Variants in ZBTB7C observed in about 807,000 individuals in gnomAD.
ZBTB7C encodes zinc finger and BTB domain-containing protein 7C.
A neutral mutation model predicts 25.7 loss-of-function variants in ZBTB7C; 8 were observed. That is an observed-to-expected ratio of 0.31 (90% CI 0.18 to 0.56). ZBTB7C has a LOEUF of 0.56. ZBTB7C is among the 20% of genes least tolerant of loss of function. The pLI is 0.91. For missense variants in ZBTB7C, 824 were observed against 855.2 expected (o/e 0.96, Z 0.46); for synonymous variants, 394 against 369.0 (o/e 1.07, Z -0.78).
chr18:48,312,639 T>G (rs1045614522), intron 2 of ZBTB7C, among the ~76,000 whole-genome samples: 8 of 152,156 alleles, frequency 5.3e-5, no homozygotes, highest in African/African-American at 1.9e-4. Context: ...TAATAGTACC[T>G]ACCTCACAGC....
At chr18:48,322,850 C>T (rs1201125455) in intron 2 of ZBTB7C, among the ~76,000 whole-genome samples, 4 of 152,034 alleles carry the variant, frequency 2.6e-5, no homozygotes, top group Non-Finnish European at 4.4e-5. Context: ...ATATATATGA[C>T]GGAATACTAC....
At chr18:48,076,392 A>G (rs899377390) in intron 3 of ZBTB7C, among the ~76,000 whole-genome samples, 4 of 152,212 alleles carry the variant, frequency 2.6e-5, no homozygotes, top group Non-Finnish European at 5.9e-5. Flanking sequence ...AGAAAAATGG[A>G]AAGTGCTGGG....
At chr18:48,221,171 A>G (rs143952921) in intron 2 of ZBTB7C, among the ~76,000 whole-genome samples, 311 of 148,936 alleles carry the variant, frequency 2.1e-3, no homozygotes, top group African/African-American at 7.4e-3. Flanking sequence ...CTCCCTCTAT[A>G]CTATCCTTGT....
At chr18:48,337,293 C>T (rs1474371181) in intron 2 of ZBTB7C, among the ~76,000 whole-genome samples, 1 of 152,206 alleles carries the variant, frequency 6.6e-6, no homozygotes, top group African/African-American at 2.4e-5. Flanking sequence ...GCTATTTTTG[C>T]CTCCACCCCA....
intron 2 of ZBTB7C, among the ~76,000 whole-genome samples, chr18:48,316,857 G>A (rs1381847381): frequency 2.0e-5 from 3 of 152,226 alleles, no homozygotes; most frequent in Admixed American, 2.0e-4. Flanking sequence ...TGATGAGCAA[G>A]CTGCCACACC....
At chr18:48,189,618 C>A (rs896738165) in intron 2 of ZBTB7C, among the ~76,000 whole-genome samples, 1 of 152,094 alleles carries the variant, frequency 6.6e-6, no homozygotes, top group Non-Finnish European at 1.5e-5. Flanking sequence ...TGCTGCCTCT[C>A]CCCCACCCAT....
At chr18:48,112,548 A>G (rs1182813372) in intron 3 of ZBTB7C, among the ~76,000 whole-genome samples, 1 of 152,030 alleles carries the variant, frequency 6.6e-6, no homozygotes, top group Non-Finnish European at 1.5e-5. Flanking sequence ...GGGTTTCACC[A>G]TGTTGGCCAG....
intron 4 of ZBTB7C, among the ~76,000 whole-genome samples, chr18:48,032,701 G>A (rs12958057): frequency 0.35 from 53,007 of 151,672 alleles, 10,032 homozygotes; most frequent in Middle Eastern, 0.49. Flanking sequence ...CTCCCAAAGC[G>A]CTGGGATTAC....
At chr18:48,046,291 C>T (rs906472069) in intron 3 of ZBTB7C, among the ~76,000 whole-genome samples, 5 of 152,154 alleles carry the variant, frequency 3.3e-5, no homozygotes, top group East Asian at 1.9e-4. Flanking sequence ...TAACAAAATC[C>T]GTGTATTACA....
chr18:48,129,211 A>G (rs1480013683), intron 3 of ZBTB7C, among the ~76,000 whole-genome samples: 1 of 152,156 alleles, frequency 6.6e-6, no homozygotes, highest in Non-Finnish European at 1.5e-5. Flanking sequence ...CCTCCAAAAA[A>G]ACTGCCAAAG....
chr18:48,363,705 C>G (rs192209682), intron 1 of ZBTB7C, among the ~76,000 whole-genome samples: 1 of 152,114 alleles, frequency 6.6e-6, no homozygotes, highest in Non-Finnish European at 1.5e-5. Flanking sequence ...TTAGGGACAG[C>G]GTGGCCATTG....
intron 3 of ZBTB7C, among the ~76,000 whole-genome samples, chr18:48,183,832 C>T (rs1408098069): frequency 6.6e-6 from 1 of 152,214 alleles, no homozygotes; most frequent in African/African-American, 2.4e-5. Flanking sequence ...CCCCTGCCTC[C>T]AAGTCAGACA....
chr18:48,040,670 TTCGTCG>T lies in ZBTB7C; in HGVS notation c.432_437del (p.Asp144_Asp145del). On this transcript the variant is annotated inframe_deletion, in exon 4 of 5. Coordinates refer to ENST00000590800, the MANE Select transcript of ZBTB7C (RefSeq NM_001318841.2). ...CTTCGTCCTCCTCATCATCATCATC[TTCGTCG>T]TCGTCATCGTCCTCCTTGTCATCCT... 4.3e-6 allele frequency: 7 copies of T among 1,613,308 alleles called. No homozygotes were observed. The highest frequency in any genetic ancestry group is 5.9e-6 in the Non-Finnish European group (7 of 1,179,718).
At chr18:48,142,835 A>C (rs2040389650) in intron 3 of ZBTB7C, among the ~76,000 whole-genome samples, 1 of 149,500 alleles carries the variant, frequency 6.7e-6, no homozygotes, top group South Asian at 2.1e-4. Flanking sequence ...TCCCTTCTTG[A>C]CTCTTCCTTC....
intron 2 of ZBTB7C, among the ~76,000 whole-genome samples, chr18:48,306,223 T>C (rs1442171161): frequency 6.6e-6 from 1 of 152,168 alleles, no homozygotes; most frequent in Non-Finnish European, 1.5e-5. Context: ...CTCAGCCTGC[T>C]CTGGGTAAGA....
chr18:48,380,824 T>C (rs1194533487), intron 1 of ZBTB7C, among the ~76,000 whole-genome samples: 1 of 152,200 alleles, frequency 6.6e-6, no homozygotes, highest in African/African-American at 2.4e-5. Flanking sequence ...ATATAAGATA[T>C]TAAGAATAGG....
chr18:48,081,544 C>T (rs528842738), intron 3 of ZBTB7C, among the ~76,000 whole-genome samples: 47 of 151,670 alleles, frequency 3.1e-4, no homozygotes, highest in East Asian at 1.4e-3. Flanking sequence ...CTGCAAGCTC[C>T]GCCTCCCAGG....
chr18:48,390,397 A>C (rs1043222515), intron 1 of ZBTB7C, among the ~76,000 whole-genome samples: 4 of 152,172 alleles, frequency 2.6e-5, no homozygotes, highest in African/African-American at 7.2e-5. Context: ...AAAGAGTGTC[A>C]TTTTTTAAAT....
chr18:48,176,194 G>A (rs952054902), intron 3 of ZBTB7C, among the ~76,000 whole-genome samples: 1 of 152,204 alleles, frequency 6.6e-6, no homozygotes, highest in Non-Finnish European at 1.5e-5. Context: ...GGCTTATGCA[G>A]GGTTCTGTCC....
Sources: gnomAD v4.1 joint callset for allele counts (sites outside exome capture counted in the v4.1 genomes callset) on GRCh38, gnomAD v4.1.1 for gene constraint, MANE v1.5 for transcripts, NCBI Gene and HGNC (gene_info 2026-07-23, HGNC 2026-07-21) for gene names.